Variants in ATP2B2 observed in about 807,000 individuals in gnomAD.
The protein encoded by ATP2B2 is ATPase plasma membrane Ca2+ transporting 2.
A neutral mutation model predicts 120.0 loss-of-function variants in ATP2B2; 15 were observed. That is an observed-to-expected ratio of 0.12 (90% CI 0.08 to 0.19). The LOEUF is 0.19. Ranked by LOEUF, ATP2B2 falls within the 10% of genes least tolerant of loss-of-function variation. The pLI is 1.00. For synonymous variants in ATP2B2, 694 were observed against 700.3 expected (o/e 0.99, Z 0.14); for missense variants, 1,045 against 1,719.8 (o/e 0.61, Z 6.94).
chr3:10,407,760 AGGAGCGATC>A (rs1434392284), intron 3 of ATP2B2, among the ~76,000 whole-genome samples: 1 of 152,218 alleles, frequency 6.6e-6, no homozygotes, highest in East Asian at 1.9e-4. Context: ...TCCAGAAACC[AGGAGCGATC>A]GGCCACGTGG....
At chr3:10,362,980 T>G (rs1357017093) in intron 12 of ATP2B2, among the ~76,000 whole-genome samples, 2 of 152,122 alleles carry the variant, frequency 1.3e-5, no homozygotes, top group East Asian at 3.8e-4. Context: ...CCTCTACTAA[T>G]GAAAGAAAAT....
At chr3:10,430,847 T>A (rs2063293280) in intron 2 of ATP2B2, among the ~76,000 whole-genome samples, 1 of 151,018 alleles carries the variant, frequency 6.6e-6, no homozygotes, top group African/African-American at 2.4e-5. Context: ...CACAGTTCTG[T>A]GACCCCTTTT....
intron 2 of ATP2B2, among the ~76,000 whole-genome samples, chr3:10,595,149 G>A (rs2068736396): frequency 6.6e-6 from 1 of 152,220 alleles, no homozygotes; most frequent in South Asian, 2.1e-4. Flanking sequence ...GATTCTCATA[G>A]GCCCACACTG....
intron 12 of ATP2B2, among the ~76,000 whole-genome samples, chr3:10,371,058 TCTC>T (rs1285186131): frequency 6.6e-6 from 1 of 152,192 alleles, no homozygotes; most frequent in Non-Finnish European, 1.5e-5. Flanking sequence ...CCACAATTAT[TCTC>T]CTTTCTGAAT....
At chr3:10,653,751 C>G (rs1048734056) in intron 1 of ATP2B2, among the ~76,000 whole-genome samples, 10 of 152,138 alleles carry the variant, frequency 6.6e-5, no homozygotes, top group Non-Finnish European at 1.5e-4. Flanking sequence ...AGGGGGAAAC[C>G]TAGGCTTAGT....
Position 10,345,385 on chromosome 3 carries a change from T to C in ATP2B2, c.2702A>G (p.Gln901Arg). ...IVAFTGACIT[Q>R]DSPLKAVQML... is the part of the protein sequence containing the mutation. ...TGGTGTGGTCTCCTGCGGACCCACC[T>C]GCGTGATGCAGGCGCCTGTGAAGGC... The change falls in exon 18 of 23, where the codon CAG becomes CGG. Residue 901 changes from glutamine to arginine, a missense_variant and splice_region_variant. By Grantham distance (43) the Gln-to-Arg change is conservative (BLOSUM62 1). Coordinates refer to ENST00000360273, the MANE Select transcript of ATP2B2 (RefSeq NM_001001331.4). The C allele has an allele frequency of 6.2e-7, 1 of 1,614,146 alleles. No homozygotes were observed. Among genetic ancestry groups the C allele is most frequent in the Non-Finnish European group, 8.5e-7 (1 of 1,179,996 alleles).
intron 1 of ATP2B2, among the ~76,000 whole-genome samples, chr3:10,636,887 T>G (rs76022078): frequency 1.4e-3 from 206 of 152,338 alleles, no homozygotes; most frequent in Non-Finnish European, 2.7e-3. Flanking sequence ...TCTTGAGTAT[T>G]CAGCTAAGTG....
At chr3:10,605,526 G>T (rs1295694606) in intron 2 of ATP2B2, among the ~76,000 whole-genome samples, 3 of 152,198 alleles carry the variant, frequency 2.0e-5, no homozygotes, top group Admixed American at 2.0e-4. Flanking sequence ...GGGAACCAGA[G>T]CTGGGGCTCC....
intron 1 of ATP2B2, among the ~76,000 whole-genome samples, chr3:10,483,269 C>T (rs1281747469): frequency 1.3e-5 from 2 of 152,216 alleles, no homozygotes; most frequent in African/African-American, 4.8e-5. Flanking sequence ...GGCTGTACAG[C>T]AGAGGAGTTA....
intron 1 of ATP2B2, among the ~76,000 whole-genome samples, chr3:10,686,495 A>G (rs1298935884): frequency 6.6e-6 from 1 of 152,170 alleles, no homozygotes; most frequent in East Asian, 1.9e-4. Flanking sequence ...TCTACTAAAA[A>G]TACAAAAAAT....
At position 10,449,293 on chromosome 3, in the gene ATP2B2, C is replaced by T. The variant is rs115504280; in HGVS notation, c.199+52G>A. ...ATGAATATGGTCCCTGTGGCCAATT[C>T]AGATGGTGGCCACCTAGGCTGCAGC... On this transcript the variant is annotated intron_variant, in intron 2 of 22. Coordinates refer to ENST00000360273, the MANE Select transcript of ATP2B2 (RefSeq NM_001001331.4). 10,729 of 1,596,410 alleles carry T rather than the reference C, an allele frequency of 6.7e-3. 644 individuals carry two copies. In the African/African-American group the frequency reaches 0.13, roughly 19 times the overall value.
chr3:10,470,858 C>T (rs1041578333), intron 1 of ATP2B2, among the ~76,000 whole-genome samples: 2 of 152,300 alleles, frequency 1.3e-5, no homozygotes, highest in Non-Finnish European at 2.9e-5. Flanking sequence ...TTCCCCCACC[C>T]CCATGTCTCG....
rs2068641711 is a variant in ATP2B2, at chr3:10,591,438, T to C, written c.-415+28479A>G. ...CCCCCATGGCCTCTGAGGCCAGAGG[T>C]CACTGAGAGCAAAGCCTTGCACAGA... On this transcript the variant is annotated intron_variant, in intron 2 of 21. Transcript: ENST00000646379. Among the ~76,000 whole-genome samples the C allele has an allele frequency of 2.0e-5, 3 of 152,046 alleles. No homozygotes were observed. The South Asian group carries it at 6.2e-4, about 32-fold the overall frequency.
intron 1 of ATP2B2, among the ~76,000 whole-genome samples, chr3:10,705,548 T>C (rs1031279556): frequency 2.0e-5 from 3 of 152,238 alleles, no homozygotes; most frequent in Non-Finnish European, 4.4e-5. Flanking sequence ...ACAAGTCCTC[T>C]TGGAGACAGT....
chr3:10,659,819 T>C (rs1390267301), intron 1 of ATP2B2, among the ~76,000 whole-genome samples: 1 of 152,104 alleles, frequency 6.6e-6, no homozygotes, highest in Non-Finnish European at 1.5e-5. Context: ...ATCGCACTTA[T>C]TCCAAAATTG....
At position 10,635,079 on chromosome 3, in the gene ATP2B2, T is replaced by A. The variant is rs1019527534; in HGVS notation, c.-459-15118A>T. 2.6e-5 allele frequency among the ~76,000 whole-genome samples: 4 copies of A among 151,316 alleles called. No homozygotes were observed. The highest frequency in any genetic ancestry group is 9.7e-5 in the African/African-American group (4 of 41,198). On this transcript the variant is annotated intron_variant, in intron 1 of 21. Coordinates refer to the ATP2B2 transcript ENST00000646379. The surrounding 1 kb of genome is among the most constrained non-coding windows in gnomAD (Gnocchi z 4.3). Reference sequence around the variant, plus strand: ...ACCCCGAGATAAATGTCCCTGGGAATTGGAATGGTATCACTGGCCTCTCTG... The same window carrying A: ...ACCCCGAGATAAATGTCCCTGGGAAATGGAATGGTATCACTGGCCTCTCTG...
At chr3:10,707,496 G>C (rs1298041177) in intron 1 of ATP2B2, among the ~76,000 whole-genome samples, 1 of 152,210 alleles carries the variant, frequency 6.6e-6, no homozygotes, top group Non-Finnish European at 1.5e-5. Context: ...AGGAGAAAGG[G>C]GGCCCCCACA....
At chr3:10,333,999 GTGT>G (rs1350389818) in intron 22 of ATP2B2, among the ~76,000 whole-genome samples, 2 of 152,266 alleles carry the variant, frequency 1.3e-5, no homozygotes, top group Non-Finnish European at 2.9e-5. Flanking sequence ...CTGCAAAGAA[GTGT>G]TGTTCCCGGA....
At position 10,703,889 on chromosome 3, in the gene ATP2B2, TGCCCTGCCCTA is replaced by T. The variant is rs2071856882; in HGVS notation, c.-460+4015_-460+4025del. Among the ~76,000 whole-genome samples the T allele has an allele frequency of 2.0e-5, 3 of 152,308 alleles. No homozygotes were observed. The South Asian group carries it at 6.2e-4, about 32-fold the overall frequency. ...GGAACCCCTGCCCACTGGGCCACAC[TGCCCTGCCCTA>T]GTCACCCGGGGGCAGGTACCATACT... On this transcript the variant is annotated intron_variant, in intron 1 of 21. Transcript: ENST00000646379.
Sources: allele counts gnomAD v4.1 joint callset (sites outside exome capture counted in the v4.1 genomes callset), GRCh38; gene constraint gnomAD v4.1.1; non-coding constraint Gnocchi (gnomAD v3.1); transcripts MANE v1.5; gene names NCBI Gene and HGNC (gene_info 2026-07-23, HGNC 2026-07-21).